The following PCGF6 variants were observed in gnomAD, a reference collection of about 807,000 sequenced individuals.
PCGF6 encodes the protein polycomb group ring finger 6, also known as polycomb group RING finger protein 6.
PCGF6 carries 24 observed loss-of-function variants against 45.5 expected under a neutral mutation model. That is an observed-to-expected ratio of 0.53 (90% CI 0.38 to 0.74). The LOEUF is 0.74. Ranked by LOEUF, PCGF6 falls within the 30% of genes least tolerant of loss-of-function variation. The probability of loss-of-function intolerance (pLI) is 0.00; values close to 1 mark genes in which losing one functional copy is unlikely to be tolerated. For synonymous variants in PCGF6, 152 were observed against 162.1 expected (o/e 0.94, Z 0.47); for missense variants, 356 against 443.2 (o/e 0.80, Z 1.77).
chr10:103,307,681 C>A (rs552699834), intron 9 of PCGF6, among the ~76,000 whole-genome samples: 127 of 152,146 alleles, frequency 8.3e-4, no homozygotes, highest in African/African-American at 2.6e-3. Context: ...GCATGTTGCC[C>A]AGGCTGGTCT....
At chr10:103,316,998 T>C (rs2093178363) in intron 8 of PCGF6, among the ~76,000 whole-genome samples, 1 of 152,076 alleles carries the variant, frequency 6.6e-6, no homozygotes, top group South Asian at 2.1e-4. Flanking sequence ...ACCATCATTG[T>C]TTTATTAATT....
chr10:103,316,015 G>T (rs11498782), intron 8 of PCGF6, among the ~76,000 whole-genome samples: 11,979 of 95,612 alleles, frequency 0.13, 493 homozygotes, highest in African/African-American at 0.19. Context: ...TATATATATA[G>T]AGAGAGAGAG....
In PCGF6 at chr10:103,337,937, G is replaced by A. The variant is rs1334958919; in HGVS notation, c.783-3985C>T. 4.6e-5 allele frequency among the ~76,000 whole-genome samples: 5 copies of A among 109,050 alleles called. 1 individual carries two copies. Among genetic ancestry groups the A allele is most frequent in the African/African-American group, 1.3e-4 (4 of 29,988 alleles). The allele number at this position is 109,050 out of a possible 152,430, so 71.5% of individuals were successfully genotyped here. A position where few individuals can be genotyped will look rare whatever the true frequency, so the allele number is the denominator to read the frequency against. ...AAATTAGCCGGGCGTAGTGGTGGGCGCCTGTAGTCCCAGCTACTTGGGAGG... is the reference window on the plus strand; with the variant it reads ...AAATTAGCCGGGCGTAGTGGTGGGCACCTGTAGTCCCAGCTACTTGGGAGG... On this transcript the variant is annotated intron_variant, in intron 6 of 9. Transcript: ENST00000369847.
In PCGF6 at chr10:103,333,951, C is replaced by A; in HGVS notation, c.784G>T (p.Ala262Ser). 1 of 1,539,262 alleles carries A rather than the reference C, an allele frequency of 6.5e-7. No individual in the cohort carries two copies. Among genetic ancestry groups the A allele is most frequent in the South Asian group, 1.3e-5 (1 of 77,726 alleles). The stretch of plus-strand genomic sequence containing the variant: ...TTAAAATGTCCCGTGCCTTCATTAG[C>A]ACTGAAAAATGAGAGCAAAATTAAT... ...DMSLLLEFIG[A>S]NEGTGHFKPL... The change falls in exon 7 of 10, where the codon GCT becomes TCT. Residue 262 changes from alanine (A) to serine (S), a missense_variant and splice_region_variant. Ala to Ser is a moderately conservative substitution (Grantham distance 99). This residue lies in a region of PCGF6 where 307 missense variants were observed against 350.1 expected (regional missense o/e 0.88). Transcript: ENST00000369847.
chr10:103,344,275 T>G (rs1259942718), intron 6 of PCGF6, among the ~76,000 whole-genome samples: 3 of 133,142 alleles, frequency 2.3e-5, no homozygotes, highest in Middle Eastern at 3.3e-3. Context: ...GACAAACACT[T>G]TTTTTTTTTT....
At chr10:103,327,665 CTTT>C (rs370470160) in intron 7 of PCGF6, among the ~76,000 whole-genome samples, 9 of 148,066 alleles carry the variant, frequency 6.1e-5, no homozygotes, top group Non-Finnish European at 1.0e-4. Flanking sequence ...AAAGGGAATT[CTTT>C]TTTTTTTCTT....
chr10:103,327,665 C>CTT (rs370470160), intron 7 of PCGF6, among the ~76,000 whole-genome samples: 5 of 148,066 alleles, frequency 3.4e-5, no homozygotes, highest in African/African-American at 9.9e-5. Flanking sequence ...AAAGGGAATT[C>CTT]TTTTTTTTTT....
intron 8 of PCGF6, among the ~76,000 whole-genome samples, chr10:103,323,149 A>C (rs928481177): frequency 1.3e-5 from 2 of 152,212 alleles, no homozygotes; most frequent in African/African-American, 4.8e-5. Context: ...TGCTGTGGCT[A>C]CAAGGTAAAA....
chr10:103,327,407 A>G (rs2093222703), intron 7 of PCGF6, among the ~76,000 whole-genome samples: 1 of 152,200 alleles, frequency 6.6e-6, no homozygotes, highest in Non-Finnish European at 1.5e-5. Flanking sequence ...AACCAATTAC[A>G]ATGTATGGAC....
chr10:103,317,904 A>AT (rs1377190116), intron 8 of PCGF6, among the ~76,000 whole-genome samples: 13 of 151,640 alleles, frequency 8.6e-5, no homozygotes, highest in Admixed American at 8.5e-4. Context: ...GATTACAGGC[A>AT]TGCATCACCA....
At chr10:103,342,359 G>A (rs2093284074) in intron 6 of PCGF6, among the ~76,000 whole-genome samples, 1 of 151,788 alleles carries the variant, frequency 6.6e-6, no homozygotes, top group African/African-American at 2.4e-5. Context: ...TCAGCCTCCT[G>A]GGTAGCTGGG....
intron 8 of PCGF6, among the ~76,000 whole-genome samples, chr10:103,320,098 G>C (rs903654199): frequency 1.1e-4 from 17 of 152,044 alleles, no homozygotes; most frequent in Non-Finnish European, 2.2e-4. Context: ...GAGCCACCAT[G>C]CCTGGCCAGC....
In PCGF6 at chr10:103,326,164, G is replaced by A. The variant is rs567330665; in HGVS notation, c.909+370C>T. ...TGTAATCCCAGCACTTTGGGAGGCC[G>A]AGGCGGGCGGATCACGAGGTCAGGA... On this transcript the variant is annotated intron_variant, in intron 8 of 9. Coordinates refer to ENST00000369847, the MANE Select transcript of PCGF6 (RefSeq NM_001011663.2). Among the ~76,000 whole-genome samples, 4 of 152,122 alleles carry A rather than the reference G, an allele frequency of 2.6e-5. No homozygotes were observed. The East Asian group carries it at 5.8e-4, about 22-fold the overall frequency.
chr10:103,314,665 T>C (rs2093168274), intron 8 of PCGF6, among the ~76,000 whole-genome samples: 3 of 152,094 alleles, frequency 2.0e-5, no homozygotes, highest in Admixed American at 2.0e-4. Context: ...TAAAAATCAT[T>C]AAGGCCGGGA....
chr10:103,305,490 C>T (rs906409479), intron 9 of PCGF6, among the ~76,000 whole-genome samples: 2 of 151,804 alleles, frequency 1.3e-5, no homozygotes, highest in Non-Finnish European at 2.9e-5. Context: ...AGGCTGGTCC[C>T]GAACTCCTGA....
chr10:103,324,327 T>C (rs575158149), intron 8 of PCGF6, among the ~76,000 whole-genome samples: 1 of 84,766 alleles, frequency 1.2e-5, no homozygotes, highest in Non-Finnish European at 2.5e-5. Context: ...ATTTGACTAA[T>C]GAAAAAAAAA....
intron 1 of PCGF6, among the ~76,000 whole-genome samples, chr10:103,349,756 A>G (rs2093314190): frequency 6.8e-6 from 1 of 148,052 alleles, no homozygotes; most frequent in African/African-American, 2.5e-5. Flanking sequence ...TATAGGCGTG[A>G]GCCACACCGC....
intron 6 of PCGF6, among the ~76,000 whole-genome samples, chr10:103,336,818 T>C (rs2093259000): frequency 6.6e-6 from 1 of 151,918 alleles, no homozygotes; most frequent in Admixed American, 6.6e-5. Context: ...GAGGTTGCAG[T>C]GAGCCGAGGT....
chr10:103,314,397 A>C, intron 8 of PCGF6, 125 bp from the exon 9 acceptor site: 3 of 565,972 alleles, frequency 5.3e-6, no homozygotes, highest in Non-Finnish European at 9.2e-6. Context: ...TAGACTGATT[A>C]AACGCTCTTG....
Sources: gnomAD v4.1 joint callset for allele counts (sites outside exome capture counted in the v4.1 genomes callset) on GRCh38, gnomAD v4.1.1 for gene constraint, gnomAD v4.1.1 regional missense constraint, MANE v1.5 for transcripts, NCBI Gene and HGNC (gene_info 2026-07-23, HGNC 2026-07-21) for gene names.